LRBA: variants seen among roughly 807,000 people sequenced by gnomAD.
LRBA encodes LPS responsive beige-like anchor protein.
A neutral mutation model predicts 330.0 loss-of-function variants in LRBA; 176 were observed. The ratio of observed to expected loss-of-function variants is 0.53; its 90% CI spans 0.47 to 0.60. LRBA has a LOEUF of 0.60. Among genes scored for constraint, LRBA ranks in the 20% least tolerant of loss-of-function variants. The pLI is 0.00. For synonymous variants in LRBA, 1,230 were observed against 1,193.0 expected (o/e 1.03, Z -0.64); for missense variants, 3,259 against 3,444.8 (o/e 0.95, Z 1.35).
At chr4:150,422,745 T>A in intron 46 of LRBA, 1 of 1,123,462 alleles carries the variant, frequency 8.9e-7, no homozygotes, top group Non-Finnish European at 1.3e-6. Context: ...CCCAAAGGGC[T>A]TCTTCATGAC....
In LRBA at chr4:150,834,247, T is replaced by C. The variant is rs1013068162; in HGVS notation, c.4570-2271A>G. 4.6e-5 allele frequency among the ~76,000 whole-genome samples: 7 copies of C among 152,192 alleles called. No individual in the cohort carries two copies. In the South Asian group the frequency reaches 1.0e-3, roughly 23 times the overall value. On this transcript the variant is annotated intron_variant, in intron 28 of 56. Transcript: ENST00000651943. ...CATGGGTACTTCATGGTATCTACAA[T>C]AGTGAATCAATTCCAGAAGATTTTC... is the stretch of plus-strand genomic sequence containing the variant.
chr4:151,006,003 T>C (rs1169343840), intron 2 of LRBA, among the ~76,000 whole-genome samples: 1 of 152,010 alleles, frequency 6.6e-6, no homozygotes, highest in Non-Finnish European at 1.5e-5. Context: ...AACAAAATAA[T>C]AAAGGAAATA....
Position 150,817,214 on chromosome 4 carries a change from T to C in LRBA, c.5215A>G (p.Thr1739Ala). ...TTGGTAGGTATGCTTGTATTAAAGG[T>C]GGAAGGTGAGACTGCTGACTTTTTT... is the stretch of plus-strand genomic sequence containing the variant. ...AAKKSAVSPS[T>A]FNTSIPTNAV... The change falls in exon 31 of 57, where the codon ACC (threonine) becomes GCC (alanine). Residue 1739 changes from threonine to alanine, a missense_variant. Physicochemically the swap from Thr to Ala is moderately conservative, Grantham distance 58 (BLOSUM62 0). Coordinates refer to ENST00000651943, the MANE Select transcript of LRBA (RefSeq NM_001364905.1). 4.3e-6 allele frequency: 7 copies of C among 1,612,324 alleles called. No individual in the cohort carries two copies. The highest frequency in any genetic ancestry group is 5.9e-6 in the Non-Finnish European group (7 of 1,178,790).
At chr4:150,971,818 AGGTATGCAATCT>A (rs1472316023) in intron 2 of LRBA, among the ~76,000 whole-genome samples, 2 of 152,184 alleles carry the variant, frequency 1.3e-5, no homozygotes, top group Non-Finnish European at 2.9e-5. Flanking sequence ...TATAAAAAAC[AGGTATGCAATCT>A]GAAGCTTGTG....
At chr4:150,599,213 T>G in intron 37 of LRBA, 82 bp from the exon 38 acceptor site, 4 of 1,474,126 alleles carry the variant, frequency 2.7e-6, no homozygotes, top group Non-Finnish European at 3.7e-6. Context: ...AAGCTCTCCT[T>G]GTTTGCTCTG....
intron 40 of LRBA, among the ~76,000 whole-genome samples, chr4:150,562,699 T>C (rs1379223209): frequency 1.3e-5 from 2 of 152,194 alleles, no homozygotes; most frequent in Non-Finnish European, 2.9e-5. Flanking sequence ...TTAAAGGCCT[T>C]CAAATATTTA....
chr4:150,362,186 C>CT (rs924650346), intron 47 of LRBA, among the ~76,000 whole-genome samples: 6 of 152,116 alleles, frequency 3.9e-5, no homozygotes, highest in African/African-American at 1.4e-4. Context: ...TGGTGAGGGA[C>CT]TAGGTCCTTC....
intron 35 of LRBA, among the ~76,000 whole-genome samples, chr4:150,738,461 T>G (rs1044627070): frequency 6.6e-6 from 1 of 152,108 alleles, no homozygotes; most frequent in East Asian, 1.9e-4. Context: ...AGTGAGAATT[T>G]GTCACCAGCC....
intron 37 of LRBA, among the ~76,000 whole-genome samples, chr4:150,623,863 A>T (rs1776561662): frequency 6.6e-6 from 1 of 152,026 alleles, no homozygotes; most frequent in South Asian, 2.1e-4. Flanking sequence ...ATTTTATGTT[A>T]TTATTATTAT....
chr4:150,283,750 T>C (rs1166370144), intron 54 of LRBA, among the ~76,000 whole-genome samples: 2 of 152,230 alleles, frequency 1.3e-5, no homozygotes, highest in Admixed American at 6.5e-5. Context: ...TAGGTTGTCA[T>C]AGTAATTGCA....
intron 48 of LRBA, among the ~76,000 whole-genome samples, chr4:150,335,545 T>TAC (rs1208333328): frequency 1.1e-4 from 17 of 149,282 alleles, no homozygotes; most frequent in East Asian, 2.0e-4. Context: ...TATATATATA[T>TAC]ACACACACAC....
rs70941440 is a variant in LRBA at position 150,768,927 on chromosome 4, CTTTTTTTTTTTT to C, written c.5581-7092_5581-7081del. On this transcript the variant is annotated intron_variant, in intron 34 of 56. Coordinates refer to ENST00000651943, the MANE Select transcript of LRBA (RefSeq NM_001364905.1). The stretch of plus-strand genomic sequence containing the variant: ...TAGGGATTTTATCAAGTGCTGTCTC[CTTTTTTTTTTTT>C]TTTTTTTTTTTTTTTTGAGACACAG... 6.7e-5 allele frequency among the ~76,000 whole-genome samples: 5 copies of C among 75,064 alleles called. No homozygotes were observed. The East Asian group carries it at 1.7e-3, about 25-fold the overall frequency. 49.2% of individuals were successfully genotyped at this position (75,064 alleles called of 152,430 possible).
intron 30 of LRBA, among the ~76,000 whole-genome samples, chr4:150,823,896 G>C (rs991921059): frequency 6.6e-6 from 1 of 151,884 alleles, no homozygotes; most frequent in Admixed American, 6.6e-5. Context: ...CTTTGCTCAG[G>C]ATAGCTTTGG....
chr4:150,773,528 A>G (rs1736859691), intron 34 of LRBA, among the ~76,000 whole-genome samples: 1 of 152,260 alleles, frequency 6.6e-6, no homozygotes, highest in Non-Finnish European at 1.5e-5. Context: ...TGTCTTCTGC[A>G]TAGGCCAAAT....
chr4:150,986,732 G>T (rs1344475325), intron 2 of LRBA, among the ~76,000 whole-genome samples: 1 of 152,114 alleles, frequency 6.6e-6, no homozygotes, highest in Non-Finnish European at 1.5e-5. Context: ...TGAAAACAAA[G>T]ATTTTACAGG....
intron 38 of LRBA, among the ~76,000 whole-genome samples, chr4:150,592,712 G>A (rs778149864): frequency 2.0e-5 from 3 of 152,112 alleles, no homozygotes. Context: ...ACAGCTTACT[G>A]CAGCCTCTAG....
chr4:150,668,055 T>A (rs1781720983), intron 37 of LRBA, among the ~76,000 whole-genome samples: 1 of 152,194 alleles, frequency 6.6e-6, no homozygotes, highest in South Asian at 2.1e-4. Context: ...TTCTTCCCTA[T>A]CATAAATGTT....
chr4:150,268,732 GGA>G (rs1394220059), intron 56 of LRBA, among the ~76,000 whole-genome samples: 3 of 152,256 alleles, frequency 2.0e-5, no homozygotes. Context: ...GAAAACAATA[GGA>G]GTAGAAGGAA....
intron 47 of LRBA, 92 bp from the exon 48 acceptor site, chr4:150,350,251 C>T: frequency 1.0e-6 from 1 of 993,904 alleles, no homozygotes; most frequent in Non-Finnish European, 1.4e-6. Context: ...TTAACACTAA[C>T]TTTACTGTGA....
Sources: allele counts gnomAD v4.1 joint callset (sites outside exome capture counted in the v4.1 genomes callset), GRCh38; gene constraint gnomAD v4.1.1; transcripts MANE v1.5; gene names NCBI Gene and HGNC (gene_info 2026-07-23, HGNC 2026-07-21).